The following SEMA3A variants were observed in gnomAD, a reference collection of about 807,000 sequenced individuals.
SEMA3A encodes the protein semaphorin 3A.
Under a neutral mutation model 97.9 loss-of-function variants are expected in SEMA3A, and 29 were observed. That is an observed-to-expected ratio of 0.30 (90% CI 0.22 to 0.40). The LOEUF is 0.40. Among genes scored for constraint, SEMA3A ranks in the 10% least tolerant of loss-of-function variants. The probability of loss-of-function intolerance (pLI) is 1.00; values close to 1 mark genes in which losing one functional copy is unlikely to be tolerated. For synonymous variants in SEMA3A, 321 were observed against 323.7 expected, an observed-to-expected ratio of 0.99 and a Z score of 0.09; for missense variants, 763 against 951.3, an observed-to-expected ratio of 0.80 and a Z score of 2.60.
At chr7:84,143,930 CT>C (rs1796379821) in intron 1 of SEMA3A, among the ~76,000 whole-genome samples, 1 of 140,644 alleles carries the variant, frequency 7.1e-6, no homozygotes, top group Non-Finnish European at 1.5e-5. Flanking sequence ...ATCTCTCTCT[CT>C]CTCTCTCTCT....
chr7:84,145,355 C>T (rs368660598), intron 1 of SEMA3A, among the ~76,000 whole-genome samples: 2 of 151,998 alleles, frequency 1.3e-5, no homozygotes, highest in African/African-American at 4.8e-5. Context: ...CTACTCCTGG[C>T]GTATACCTAC....
At chr7:84,429,496 TTAGTAAAA>T in intron 1 of SEMA3A, among the ~76,000 whole-genome samples, 1 of 111,382 alleles carries the variant, frequency 9.0e-6, no homozygotes, top group Non-Finnish European at 1.8e-5. Context: ...GACTTTTGCA[TTAGTAAAA>T]TATAGAGTTT....
intron 12 of SEMA3A, 87 bp downstream of exon 12, chr7:84,001,868 T>G (rs547712289): frequency 6.0e-6 from 5 of 830,158 alleles, no homozygotes; most frequent in East Asian, 5.2e-5. Context: ...GCTAGACTAC[T>G]TGTCCATACC....
intron 5 of SEMA3A, among the ~76,000 whole-genome samples, chr7:84,047,339 C>T (rs1300329496): frequency 6.6e-6 from 1 of 152,014 alleles, no homozygotes; most frequent in Non-Finnish European, 1.5e-5. Flanking sequence ...CCAGTCGGCA[C>T]TGGCTTGACA....
intron 4 of SEMA3A, among the ~76,000 whole-genome samples, chr7:84,100,626 G>T (rs1448521188): frequency 6.6e-6 from 1 of 152,094 alleles, no homozygotes; most frequent in Non-Finnish European, 1.5e-5. Context: ...TTGTTTCTAT[G>T]TGAGCCCTTT....
intron 1 of SEMA3A, among the ~76,000 whole-genome samples, chr7:84,402,731 G>A (rs1803940895): frequency 6.6e-6 from 1 of 152,126 alleles, no homozygotes. Flanking sequence ...ATATTATCCA[G>A]CCACAAAAAG....
At chr7:84,434,225 G>A (rs1334762355) in intron 1 of SEMA3A, among the ~76,000 whole-genome samples, 1 of 152,018 alleles carries the variant, frequency 6.6e-6, no homozygotes, top group African/African-American at 2.4e-5. Flanking sequence ...TTTGAGAAGT[G>A]TGTGTTCATC....
intron 3 of SEMA3A, among the ~76,000 whole-genome samples, chr7:84,277,916 A>G (rs966422767): frequency 1.3e-5 from 2 of 152,092 alleles, no homozygotes; most frequent in Non-Finnish European, 2.9e-5. Flanking sequence ...TGGTAGCTAC[A>G]CAGCCTGCAT....
intron 4 of SEMA3A, among the ~76,000 whole-genome samples, chr7:84,091,360 G>A (rs1794600017): frequency 8.3e-6 from 1 of 120,110 alleles, no homozygotes; most frequent in Non-Finnish European, 2.0e-5. Context: ...AAGGAAGAAA[G>A]GAAGAAAGGA....
intron 6 of SEMA3A, among the ~76,000 whole-genome samples, chr7:84,031,876 A>G (rs1388454575): frequency 2.0e-5 from 3 of 152,144 alleles, no homozygotes; most frequent in African/African-American, 7.2e-5. Flanking sequence ...CTAAAATATA[A>G]GCAGATATTA....
At chr7:84,192,448 T>C (rs1307581995) in intron 1 of SEMA3A, among the ~76,000 whole-genome samples, 1 of 152,016 alleles carries the variant, frequency 6.6e-6, no homozygotes, top group African/African-American at 2.4e-5. Flanking sequence ...GGGATTGTTA[T>C]GTAGCTGTAA....
intron 3 of SEMA3A, among the ~76,000 whole-genome samples, chr7:84,114,458 G>GA (rs1030826895): frequency 1.3e-4 from 19 of 151,784 alleles, no homozygotes; most frequent in African/African-American, 1.9e-4. Context: ...GTAAAAAGAA[G>GA]AAAAAAAATG....
At chr7:83,988,287 C>T (rs927961953) in intron 12 of SEMA3A, among the ~76,000 whole-genome samples, 2 of 151,680 alleles carry the variant, frequency 1.3e-5, no homozygotes, top group African/African-American at 2.4e-5. Context: ...AGTGCAGTGG[C>T]GTGATCTCGG....
chr7:84,234,115 C>A (rs1006222002), intron 3 of SEMA3A, among the ~76,000 whole-genome samples: 1 of 151,946 alleles, frequency 6.6e-6, no homozygotes. Context: ...CATTGTTTTA[C>A]AGGGGATGGG....
chr7:83,984,608 CTTTTTTTTT>C (rs371082897), intron 13 of SEMA3A, among the ~76,000 whole-genome samples: 11 of 98,880 alleles, frequency 1.1e-4, no homozygotes, highest in Non-Finnish European at 1.8e-4. Context: ...GATTTTTCTG[CTTTTTTTTT>C]TTTTTTTTTT....
At chr7:84,002,377 AT>A (rs1246747254) in intron 11 of SEMA3A, among the ~76,000 whole-genome samples, 7 of 152,324 alleles carry the variant, frequency 4.6e-5, no homozygotes, top group African/African-American at 9.6e-5. Context: ...GATTGGATCA[AT>A]TCTTTTCATT....
In SEMA3A at chr7:84,434,762, A is replaced by G. The variant is rs553932457; in HGVS notation, c.-246+57698T>C. On this transcript the variant is annotated intron_variant, in intron 1 of 3. Transcript: ENST00000424555. ...TAAACATAATTAATGATAAAATGCT[A>G]TATGATCATCTCAATAAATACAGAA... Among the ~76,000 whole-genome samples, 12 of 152,332 alleles carry G rather than the reference A, an allele frequency of 7.9e-5. No individual in the cohort carries two copies. In the East Asian group the frequency reaches 2.3e-3, roughly 29 times the overall value.
rs1447207155 is a variant in SEMA3A at position 84,060,481 on chromosome 7, T to C, written c.531A>G (p.Thr177=). 4 of 1,586,144 alleles carry C rather than the reference T, an allele frequency of 2.5e-6. No individual in the cohort carries two copies. In the South Asian group the frequency reaches 3.5e-5, roughly 14 times the overall value. ...GKSPYDPKLL[T]ASLLIDGELY... is the part of the protein sequence containing the mutation. ...ACTACGCACCTATTAAAAGGGATGC[T>C]GTCAGCAGCTTAGGGTCATATGGAC... The change falls in exon 5 of 17, where the codon ACA becomes ACG. Residue 177 remains threonine, a synonymous_variant. Coordinates refer to ENST00000265362, the MANE Select transcript of SEMA3A (RefSeq NM_006080.3).
intron 12 of SEMA3A, among the ~76,000 whole-genome samples, chr7:83,999,430 TAATTA>T (rs142741756): frequency 0.22 from 33,715 of 151,532 alleles, 3,875 homozygotes; most frequent in Middle Eastern, 0.25. Flanking sequence ...TATCAGAAAA[TAATTA>T]AATAATAAAA....
Sources: allele counts gnomAD v4.1 joint callset (sites outside exome capture counted in the v4.1 genomes callset), GRCh38; gene constraint gnomAD v4.1.1; transcripts MANE v1.5; gene names NCBI Gene and HGNC (gene_info 2026-07-23, HGNC 2026-07-21).